The following TCF12 variants were observed in gnomAD, a reference collection of about 807,000 sequenced individuals.
The protein encoded by TCF12 is DNA-binding protein HTF4.
Under a neutral mutation model 86.0 loss-of-function variants are expected in TCF12, and 45 were observed. The observed-to-expected ratio is 0.52, with a 90% confidence interval of 0.41 to 0.67. The LOEUF (loss-of-function observed/expected upper bound fraction) is 0.67. Among genes scored for constraint, TCF12 ranks in the 30% least tolerant of loss-of-function variants. The probability of loss-of-function intolerance (pLI) is 0.00; values close to 1 mark genes in which losing one functional copy is unlikely to be tolerated. For missense variants in TCF12, 881 were observed against 859.9 expected, an observed-to-expected ratio of 1.02 and a Z score of -0.31; for synonymous variants, 330 against 299.6, an observed-to-expected ratio of 1.10 and a Z score of -1.05.
At chr15:57,041,257 C>T (rs2066878628) in intron 3 of TCF12, among the ~76,000 whole-genome samples, 1 of 152,152 alleles carries the variant, frequency 6.6e-6, no homozygotes, top group Non-Finnish European at 1.5e-5. Flanking sequence ...GTGCTGGGGT[C>T]TCTTTTCTAA....
At chr15:57,157,033 A>C (rs1480323522) in intron 5 of TCF12, among the ~76,000 whole-genome samples, 2 of 152,120 alleles carry the variant, frequency 1.3e-5, no homozygotes, top group Non-Finnish European at 2.9e-5. Context: ...TGTATTTGAT[A>C]ATTTGTTCCC....
At chr15:57,206,172 C>T (rs1459271989) in intron 8 of TCF12, among the ~76,000 whole-genome samples, 1 of 152,288 alleles carries the variant, frequency 6.6e-6, no homozygotes, top group East Asian at 1.9e-4. Flanking sequence ...ACAATAAACT[C>T]TGGCCCAGTG....
intron 13 of TCF12, among the ~76,000 whole-genome samples, chr15:57,250,711 A>G (rs1294148209): frequency 6.6e-6 from 1 of 151,752 alleles, no homozygotes; most frequent in Non-Finnish European, 1.5e-5. Context: ...CCCAGGTAAC[A>G]GAGCAAGATG....
At chr15:56,967,508 G>A (rs756267202) in intron 3 of TCF12, among the ~76,000 whole-genome samples, 1 of 152,110 alleles carries the variant, frequency 6.6e-6, no homozygotes, top group Non-Finnish European at 1.5e-5. Context: ...TCTTCTGTTT[G>A]TGTATCTGTT....
chr15:57,154,165 C>G (rs1432674465), intron 5 of TCF12, among the ~76,000 whole-genome samples: 3 of 152,090 alleles, frequency 2.0e-5, no homozygotes, highest in South Asian at 2.1e-4. Flanking sequence ...ATAGAGGAAG[C>G]AAGCATTTGG....
intron 3 of TCF12, among the ~76,000 whole-genome samples, chr15:57,028,176 C>T (rs927521675): frequency 3.3e-5 from 5 of 152,136 alleles, no homozygotes; most frequent in Non-Finnish European, 7.4e-5. Context: ...CCATGTTGGG[C>T]AGGCTGGTCT....
At chr15:57,213,866 A>C (rs2058220593) in intron 8 of TCF12, among the ~76,000 whole-genome samples, 1 of 152,186 alleles carries the variant, frequency 6.6e-6, no homozygotes, top group East Asian at 1.9e-4. Context: ...TCAATAGCGC[A>C]AAGCCTTGTG....
chr15:57,076,218 G>C lies in TCF12; in HGVS notation c.222+12395G>C, dbSNP rs1029522272. 9.2e-5 allele frequency among the ~76,000 whole-genome samples: 14 copies of C among 152,162 alleles called. No individual in the cohort carries two copies. The South Asian group carries it at 1.0e-3, about 11-fold the overall frequency. ...AATAAGATCATAGTTTCTCAAACTG[G>C]CCTTCATAGGATATTAACAAGCAGT... On this transcript the variant is annotated intron_variant, in intron 4 of 20. Coordinates refer to ENST00000333725, the MANE Select transcript of TCF12 (RefSeq NM_207037.2).
At chr15:57,123,927 C>G (rs1049723245) in intron 5 of TCF12, among the ~76,000 whole-genome samples, 12 of 146,470 alleles carry the variant, frequency 8.2e-5, no homozygotes, top group Non-Finnish European at 8.9e-5. Context: ...CCGAGATGCG[C>G]CACTGCACTC....
chr15:57,130,628 A>G (rs1280118956), intron 5 of TCF12, among the ~76,000 whole-genome samples: 1 of 152,206 alleles, frequency 6.6e-6, no homozygotes, highest in East Asian at 1.9e-4. Flanking sequence ...ATTTTAAACA[A>G]CAGAGTTGGG....
Position 57,073,574 on chromosome 15 carries a change from T to G in TCF12, c.222+9751T>G, listed in dbSNP as rs2151011249. On this transcript the variant is annotated intron_variant, in intron 4 of 20. Coordinates refer to ENST00000333725, the MANE Select transcript of TCF12 (RefSeq NM_207037.2). ...ATTTTAGAGGTGACAGAATTGAAGC[T>G]CAGAAAAGGTAGATAACTTATCAGA... 1.3e-5 allele frequency among the ~76,000 whole-genome samples: 2 copies of G among 152,332 alleles called. 1 individual carries two copies. The highest frequency in any genetic ancestry group is 2.9e-5 in the Non-Finnish European group (2 of 68,032).
At chr15:56,946,902 A>T (rs906317949) in intron 3 of TCF12, among the ~76,000 whole-genome samples, 4 of 144,968 alleles carry the variant, frequency 2.8e-5, no homozygotes, top group African/African-American at 1.0e-4. Context: ...AGTTCAAGCT[A>T]TTCTCCTGCT....
intron 5 of TCF12, among the ~76,000 whole-genome samples, chr15:57,143,155 C>G (rs1168273233): frequency 1.4e-5 from 2 of 140,758 alleles, no homozygotes; most frequent in Non-Finnish European, 3.2e-5. Context: ...ACGTGCCCCC[C>G]CCCACCAAAA....
chr15:57,148,118 A>G (rs560769378), intron 5 of TCF12, among the ~76,000 whole-genome samples: 2 of 152,060 alleles, frequency 1.3e-5, no homozygotes, highest in Non-Finnish European at 2.9e-5. Flanking sequence ...TCCTGGGCTC[A>G]AGCCATCCTC....
chr15:57,090,006 C>G (rs1221639923), intron 4 of TCF12, among the ~76,000 whole-genome samples: 5 of 152,014 alleles, frequency 3.3e-5, no homozygotes, highest in East Asian at 1.9e-4. Flanking sequence ...CTTGAGCCCA[C>G]GAGTTTGAGA....
At chr15:56,960,581 CA>C (rs1341730952) in intron 3 of TCF12, among the ~76,000 whole-genome samples, 1 of 151,912 alleles carries the variant, frequency 6.6e-6, no homozygotes, top group East Asian at 2.0e-4. Flanking sequence ...AGGCATCTGC[CA>C]CCATGCACGG....
intron 18 of TCF12, among the ~76,000 whole-genome samples, chr15:57,270,404 C>T (rs778780929): frequency 1.3e-5 from 2 of 152,154 alleles, no homozygotes; most frequent in Non-Finnish European, 2.9e-5. Context: ...GTTTTCAGCT[C>T]CATCAGGTCA....
intron 7 of TCF12, among the ~76,000 whole-genome samples, chr15:57,192,922 A>G (rs1245157328): frequency 6.6e-6 from 1 of 152,148 alleles, no homozygotes; most frequent in Non-Finnish European, 1.5e-5. Flanking sequence ...CCAGTGTAAT[A>G]CTCTTGCTTG....
intron 3 of TCF12, among the ~76,000 whole-genome samples, chr15:57,050,893 T>G (rs1449067008): frequency 1.1e-4 from 17 of 152,212 alleles, no homozygotes. Flanking sequence ...AGCCTCCATT[T>G]GTTCATTCAT....
Sources: gnomAD v4.1 joint callset for allele counts (sites outside exome capture counted in the v4.1 genomes callset) on GRCh38, gnomAD v4.1.1 for gene constraint, MANE v1.5 for transcripts, NCBI Gene and HGNC (gene_info 2026-07-23, HGNC 2026-07-21) for gene names.